TEX9: variants seen among roughly 807,000 people sequenced by gnomAD.
TEX9 encodes testis-expressed protein 9.
TEX9 carries 74 observed loss-of-function variants against 59.6 expected under a neutral mutation model. The observed-to-expected ratio is 1.24, with a 90% CI of 1.03 to 1.51. The LOEUF is 1.51. TEX9 is among the 40% of genes most tolerant of loss of function. The pLI, the probability that TEX9 is intolerant of heterozygous loss-of-function variation, is 0.00. For missense variants in TEX9, 522 were observed against 447.8 expected (o/e 1.17, Z -1.49); for synonymous variants, 186 against 152.2 (o/e 1.22, Z -1.64).
intron 1 of TEX9, among the ~76,000 whole-genome samples, chr15:56,335,995 A>G (rs1208540589): frequency 1.3e-5 from 2 of 152,154 alleles, no homozygotes; most frequent in Non-Finnish European, 2.9e-5. Flanking sequence ...CTTAGGATGC[A>G]TTTATTTACA....
intron 2 of TEX9, among the ~76,000 whole-genome samples, chr15:56,370,543 C>T (rs1250854713): frequency 2.0e-5 from 3 of 152,062 alleles, no homozygotes; most frequent in Non-Finnish European, 2.9e-5. Context: ...CCAGCTTTTC[C>T]TTCTCAGCCC....
chr15:56,389,000 G>A (rs2048087204), intron 5 of TEX9, among the ~76,000 whole-genome samples: 1 of 151,954 alleles, frequency 6.6e-6, no homozygotes, highest in Non-Finnish European at 1.5e-5. Context: ...TCTGCCTGGG[G>A]AATAATTGGT....
At chr15:56,385,488 T>C (rs1272435635) in intron 4 of TEX9, among the ~76,000 whole-genome samples, 1 of 152,142 alleles carries the variant, frequency 6.6e-6, no homozygotes, top group African/African-American at 2.4e-5. Flanking sequence ...AAATGGCCCA[T>C]GGCAAAGACC....
chr15:56,352,797 A>T (rs1435809159), intron 1 of TEX9, among the ~76,000 whole-genome samples: 5 of 152,130 alleles, frequency 3.3e-5, no homozygotes, highest in African/African-American at 1.2e-4. Context: ...TTATGCAGCA[A>T]ATTTTAGTGA....
At chr15:56,271,499 A>G (rs567363718) in intron 1 of TEX9, among the ~76,000 whole-genome samples, 3 of 151,982 alleles carry the variant, frequency 2.0e-5, no homozygotes, top group Non-Finnish European at 4.4e-5. Context: ...GGGTTTCATC[A>G]TGTTGGTCAG....
chr15:56,330,621 T>C (rs1292266070), intron 1 of TEX9, among the ~76,000 whole-genome samples: 1 of 152,094 alleles, frequency 6.6e-6, no homozygotes, highest in Non-Finnish European at 1.5e-5. Context: ...ATGGATTATA[T>C]AATAGGATTT....
chr15:56,440,252 TAA>T (rs527332253), intron 12 of TEX9, among the ~76,000 whole-genome samples: 124 of 152,084 alleles, frequency 8.2e-4, no homozygotes, highest in Non-Finnish European at 2.6e-4. Context: ...GTGGCTAAAA[TAA>T]AAAATTGTTG....
At chr15:56,430,118 C>T (rs2050536525) in intron 12 of TEX9, 1 of 152,138 alleles carries the variant, frequency 6.6e-6, no homozygotes, top group Non-Finnish European at 1.5e-5. Context: ...CTTGATTCTA[C>T]TGAATAAAAT....
intron 1 of TEX9, among the ~76,000 whole-genome samples, chr15:56,345,680 A>G (rs1414617745): frequency 2.0e-5 from 3 of 152,180 alleles, no homozygotes; most frequent in African/African-American, 7.2e-5. Flanking sequence ...TTGTAGGTGG[A>G]AGGAAAACCT....
intron 1 of TEX9, among the ~76,000 whole-genome samples, chr15:56,284,823 A>G (rs2044908458): frequency 6.6e-6 from 1 of 152,096 alleles, no homozygotes; most frequent in South Asian, 2.1e-4. Flanking sequence ...GGACTTAAGT[A>G]GTGCCCCCAT....
At chr15:56,317,022 G>A (rs564133977) in intron 1 of TEX9, among the ~76,000 whole-genome samples, 32 of 152,292 alleles carry the variant, frequency 2.1e-4, no homozygotes, top group East Asian at 5.8e-4. Flanking sequence ...CGCAGGGTGC[G>A]CGCACCCACT....
chr15:56,432,089 C>A (rs1325228895), intron 12 of TEX9, among the ~76,000 whole-genome samples: 1 of 152,104 alleles, frequency 6.6e-6, no homozygotes, highest in Non-Finnish European at 1.5e-5. Context: ...AAACCTAATT[C>A]TATCTTAATT....
chr15:56,319,082 G>T (rs2045844826), intron 1 of TEX9, among the ~76,000 whole-genome samples: 1 of 151,900 alleles, frequency 6.6e-6, no homozygotes, highest in Non-Finnish European at 1.5e-5. Flanking sequence ...CACCAGTATT[G>T]TTCAGAGAGG....
At chr15:56,406,191 A>G (rs2049068652) in intron 9 of TEX9, among the ~76,000 whole-genome samples, 1 of 152,196 alleles carries the variant, frequency 6.6e-6, no homozygotes, top group Admixed American at 6.5e-5. Context: ...CTAAAATTTC[A>G]TACAAATGAA....
At chr15:56,344,749 G>T (rs1192337759) in intron 1 of TEX9, among the ~76,000 whole-genome samples, 4 of 151,846 alleles carry the variant, frequency 2.6e-5, no homozygotes, top group Admixed American at 6.6e-5. Context: ...GAAAACACTT[G>T]CTTCTATTAT....
chr15:56,359,645 GATTTTCTTTTTTAAAAAA>G (rs2046754487), intron 1 of TEX9, among the ~76,000 whole-genome samples: 1 of 151,668 alleles, frequency 6.6e-6, no homozygotes, highest in Non-Finnish European at 1.5e-5. Context: ...TCTTCTTTTG[GATTTTCTTTTTTAAAAAA>G]ATTTTCTTTA....
chr15:56,293,244 G>A (rs1450110257), intron 1 of TEX9, among the ~76,000 whole-genome samples: 3 of 152,096 alleles, frequency 2.0e-5, no homozygotes, highest in Non-Finnish European at 4.4e-5. Context: ...GGTTGAGAAG[G>A]GAGGACCCCT....
At position 56,441,173 on chromosome 15, in the gene TEX9, T is replaced by C. The variant is rs139424751; in HGVS notation, c.*30-4498T>C. Among the ~76,000 whole-genome samples the C allele has an allele frequency of 2.9e-3, 437 of 152,286 alleles. 1 individual carries two copies. The highest frequency in any genetic ancestry group is 5.3e-3 in the Non-Finnish European group (359 of 68,008). On this transcript the variant is annotated intron_variant, in intron 12 of 12. Coordinates refer to ENST00000352903, the Ensembl canonical transcript of TEX9. ...GCTTATTTAGAAATATATTGTTTAA[T>C]TATAATATATTTAAGGAGTCTGCAG...
At chr15:56,365,841 G>C (rs1430247170) in intron 2 of TEX9, 171 bp downstream of exon 2, 35 of 1,430,740 alleles carry the variant, frequency 2.4e-5, no homozygotes, top group Non-Finnish European at 3.0e-5. Context: ...TTTGATCTGA[G>C]TAGTTCGCCT....
Sources: allele counts gnomAD v4.1 joint callset (sites outside exome capture counted in the v4.1 genomes callset), GRCh38; gene constraint gnomAD v4.1.1; transcripts MANE v1.5; gene names NCBI Gene and HGNC (gene_info 2026-07-23, HGNC 2026-07-21).